Variants in BPIFB3 observed in about 807,000 individuals in gnomAD.
The protein encoded by BPIFB3 is BPI fold-containing family B member 3.
In BPIFB3, 49 loss-of-function variants were observed where a neutral mutation model predicts 53.1. The observed-to-expected ratio is 0.92, with a 90% CI of 0.73 to 1.17. The LOEUF is 1.17. Among genes scored for constraint, BPIFB3 ranks in the 50% most tolerant of loss-of-function variants. The probability of loss-of-function intolerance (pLI) is 0.00; values close to 1 mark genes in which losing one functional copy is unlikely to be tolerated. For synonymous variants in BPIFB3, 271 were observed against 269.6 expected (o/e 1.01, Z -0.05); for missense variants, 628 against 592.5 (o/e 1.06, Z -0.62).
At chr20:33,069,773 A>G in intron 10 of BPIFB3, 115 bp from the exon 12 acceptor site, 1 of 1,036,890 alleles carries the variant, frequency 9.6e-7, no homozygotes, top group Non-Finnish European at 1.5e-6. Context: ...ACAGACCCTG[A>G]CACACAGTAG....
chr20:33,056,672 T>G, exon 2 of BPIFB3: 1 of 1,608,004 alleles, frequency 6.2e-7, no homozygotes, highest in East Asian at 2.2e-5. Flanking sequence ...ACGGAGGGGT[T>G]TTTGGCGTTG....
intron 8 of BPIFB3, among the ~76,000 whole-genome samples, chr20:33,065,813 G>A (rs1245306139): frequency 6.6e-6 from 1 of 152,256 alleles, no homozygotes; most frequent in East Asian, 1.9e-4. Flanking sequence ...CAGGCCCAAG[G>A]AAACAGGGGT....
chr20:33,064,736 C>A (rs1217760953), exon 8 of BPIFB3: 3 of 1,614,146 alleles, frequency 1.9e-6, no homozygotes. Flanking sequence ...AAGGTGCCCC[C>A]CAAGAAGGAC....
At chr20:33,054,521 TAAG>T (rs1393865074), upstream of BPIFB3, among the ~76,000 whole-genome samples, 1 of 152,108 alleles carries the variant, frequency 6.6e-6, no homozygotes, top group Non-Finnish European at 1.5e-5. Flanking sequence ...ATCTCAATGA[TAAG>T]GAGTCAGCCA....
chr20:33,073,774 A>G, downstream of BPIFB3: 1 of 722,096 alleles, frequency 1.4e-6, no homozygotes, highest in Non-Finnish European at 2.3e-6. Context: ...TAATCATAGA[A>G]CTGCCTCAGA....
intron 11 of BPIFB3, among the ~76,000 whole-genome samples, chr20:33,070,693 C>A (rs1395086787): frequency 6.6e-6 from 1 of 152,206 alleles, no homozygotes; most frequent in Admixed American, 6.5e-5. Context: ...GTCTTAGCAC[C>A]CCCACAGGCT....
intron 10 of BPIFB3, 127 bp from the exon 12 acceptor site, chr20:33,069,761 G>A: frequency 3.2e-6 from 3 of 931,186 alleles, no homozygotes; most frequent in African/African-American, 1.6e-5. Flanking sequence ...TCAGGGCTCA[G>A]CACAGACCCT....
At chr20:33,066,856 C>G in exon 9 of BPIFB3, 3 of 1,614,214 alleles carry the variant, frequency 1.9e-6, no homozygotes, top group Non-Finnish European at 2.5e-6. Context: ...CAACTACAGA[C>G]CTGGCAGCTT....
chr20:33,065,456 A>G (rs1980629918), intron 8 of BPIFB3, among the ~76,000 whole-genome samples: 1 of 152,008 alleles, frequency 6.6e-6, no homozygotes, highest in African/African-American at 2.4e-5. Context: ...GGCTGAAGTG[A>G]GCTGTGATTA....
intron 12 of BPIFB3, 28 bp downstream of exon 13, chr20:33,071,323 G>T: frequency 6.4e-7 from 1 of 1,554,300 alleles, no homozygotes; most frequent in East Asian, 2.4e-5. Flanking sequence ...TGAGGGGCTT[G>T]GCAGTGATGA....
chr20:33,064,473 GGC>G lies in BPIFB3; in HGVS notation c.670_671del (p.Ala224SerfsTer33). ...CCCACGCAGGCCTGGTGTCCCTTGG[GGC>G]TCTTGGGTCCGTGGAATTCTCTCTG... is the stretch of plus-strand genomic sequence containing the variant. On this transcript the variant is annotated frameshift_variant, in exon 7 of 15. Coordinates refer to ENST00000375494, the Ensembl canonical transcript of BPIFB3. LOFTEE classifies it high-confidence loss of function. 6.2e-7 allele frequency: 1 copy of G among 1,614,064 alleles called. No individual in the cohort carries two copies. The highest frequency in any genetic ancestry group is 8.5e-7 in the Non-Finnish European group (1 of 1,179,970).
At chr20:33,072,108 C>T (rs775466758) in exon 13 of BPIFB3, 32 of 1,614,044 alleles carry the variant, frequency 2.0e-5, no homozygotes, top group South Asian at 1.3e-4. Flanking sequence ...TTGCAGGGAT[C>T]GCGTTTAGAA....
rs527263507 is a variant in BPIFB3, at chr20:33,056,678, C to A, written c.261C>A (p.Gly87=). 5 of 1,604,224 alleles carry A rather than the reference C, an allele frequency of 3.1e-6. No homozygotes were observed. The African/African-American group carries it at 6.7e-5, about 21-fold the overall frequency. Residue 87 remains glycine (G), a synonymous_variant, in exon 2 of 15, where the codon GGC becomes GGA. Transcript: ENST00000375494. Reference sequence around the variant, plus strand: ...TGCTGGGCCACGGAGGGGTTTTTGGCGTTGTCGAGGAGCTCTCTGGGTGAG... The same window carrying A: ...TGCTGGGCCACGGAGGGGTTTTTGGAGTTGTCGAGGAGCTCTCTGGGTGAG...
intron 1 of BPIFB3, among the ~76,000 whole-genome samples, chr20:33,056,047 G>A (rs1354876674): frequency 6.6e-6 from 1 of 152,186 alleles, no homozygotes; most frequent in African/African-American, 2.4e-5. Context: ...CCCACAGTCT[G>A]CACAGAGTCA....
rs544968759 is a variant in BPIFB3 at position 33,072,616 on chromosome 20, T to C, written c.1325-101T>C. 3 of 948,710 alleles carry C rather than the reference T, an allele frequency of 3.2e-6. No homozygotes were observed. The South Asian group carries it at 4.2e-5, about 13-fold the overall frequency. 58.8% of individuals were successfully genotyped at this position (948,710 alleles called of 1,614,324 possible). On this transcript the variant is annotated intron_variant, in intron 13 of 14. Coordinates refer to ENST00000375494, the Ensembl canonical transcript of BPIFB3. ...TTCTGTGAGAAGAGAACTGGCTGGC[T>C]AGTGAAAGTGATGGAATAGGGTCAG...
chr20:33,069,305 C>A (rs546540122), intron 10 of BPIFB3, among the ~76,000 whole-genome samples: 1 of 152,286 alleles, frequency 6.6e-6, no homozygotes, highest in African/African-American at 2.4e-5. Flanking sequence ...CTCTGACCCT[C>A]CCGCTCCAGT....
chr20:33,063,556 T>C (rs1980536722), intron 5 of BPIFB3, 59 bp from the exon 7 acceptor site: 1 of 1,573,306 alleles, frequency 6.4e-7, no homozygotes. Context: ...TTAAAGAACA[T>C]GCAGCTGTCC....
intron 4 of BPIFB3, among the ~76,000 whole-genome samples, chr20:33,060,826 A>G (rs1980424030): frequency 6.6e-6 from 1 of 152,160 alleles, no homozygotes; most frequent in African/African-American, 2.4e-5. Context: ...TGGCCTCACA[A>G]AGTGCTGGGA....
At chr20:33,069,234 C>T (rs553120565) in intron 10 of BPIFB3, among the ~76,000 whole-genome samples, 9 of 152,250 alleles carry the variant, frequency 5.9e-5, no homozygotes, top group Admixed American at 3.3e-4. Flanking sequence ...GGATCTCAGA[C>T]GTTGCTCCCC....
Sources: allele counts gnomAD v4.1 joint callset (sites outside exome capture counted in the v4.1 genomes callset), GRCh38; gene constraint gnomAD v4.1.1; transcripts MANE v1.5; gene names NCBI Gene and HGNC (gene_info 2026-07-23, HGNC 2026-07-21).